Variants in MARCHF1 observed in about 807,000 individuals in gnomAD.
The protein encoded by MARCHF1 is membrane associated ring-CH-type finger 1.
In MARCHF1, 40 loss-of-function variants were observed where a neutral mutation model predicts 54.2. That is an observed-to-expected ratio of 0.74 (90% CI 0.57 to 0.96). The LOEUF (loss-of-function observed/expected upper bound fraction) is 0.96. Ranked by LOEUF, MARCHF1 falls within the 40% of genes least tolerant of loss-of-function variation. The pLI is 0.00. For missense variants in MARCHF1, 586 were observed against 656.5 expected (o/e 0.89, Z 1.17); for synonymous variants, 236 against 236.3 (o/e 1.00, Z 0.01).
chr4:164,183,121 C>T (rs1259603624), intron 1 of MARCHF1, among the ~76,000 whole-genome samples: 1 of 151,948 alleles, frequency 6.6e-6, no homozygotes. Context: ...ATTGTTTGAT[C>T]ACTAAATTTT....
chr4:163,831,370 G>T (rs1377319940), intron 4 of MARCHF1, among the ~76,000 whole-genome samples: 1 of 152,072 alleles, frequency 6.6e-6, no homozygotes, highest in East Asian at 1.9e-4. Flanking sequence ...GGTAACTCGA[G>T]GCCAGGACTT....
chr4:163,630,897 G>C (rs762877172), intron 5 of MARCHF1, among the ~76,000 whole-genome samples: 17 of 152,078 alleles, frequency 1.1e-4, no homozygotes, highest in Admixed American at 3.3e-4. Context: ...AAGGAAAAAG[G>C]AAAAGAAGGA....
At chr4:164,173,618 T>C (rs1027440927) in intron 1 of MARCHF1, among the ~76,000 whole-genome samples, 2 of 152,164 alleles carry the variant, frequency 1.3e-5, no homozygotes, top group Non-Finnish European at 2.9e-5. Context: ...CACAGTAATG[T>C]ATGAGTTCTT....
intron 4 of MARCHF1, among the ~76,000 whole-genome samples, chr4:163,785,615 G>C (rs1037735520): frequency 6.6e-6 from 1 of 151,730 alleles, no homozygotes; most frequent in African/African-American, 2.4e-5. Flanking sequence ...TATTAATTGA[G>C]GAATAAAAGT....
chr4:163,548,433 AAAGT>A (rs1446927805), intron 8 of MARCHF1, among the ~76,000 whole-genome samples: 3 of 152,226 alleles, frequency 2.0e-5, no homozygotes, highest in Non-Finnish European at 2.9e-5. Context: ...ACACTATTAA[AAAGT>A]AAGGCTCCTC....
intron 3 of MARCHF1, among the ~76,000 whole-genome samples, chr4:163,979,591 C>G (rs1400859633): frequency 6.6e-6 from 1 of 150,972 alleles, no homozygotes; most frequent in Non-Finnish European, 1.5e-5. Context: ...CCTGAGGAAT[C>G]GCCACACTGA....
chr4:164,120,156 C>T (rs1456340500), intron 1 of MARCHF1, among the ~76,000 whole-genome samples: 1 of 151,882 alleles, frequency 6.6e-6, no homozygotes, highest in Non-Finnish European at 1.5e-5. Flanking sequence ...ATATTCTATG[C>T]CAATGGAAAC....
rs1730695933 is a variant in MARCHF1, at chr4:164,176,972, CTCTCTCTCTATATAT to C, written c.-322-65325_-322-65311del. On this transcript the variant is annotated intron_variant, in intron 1 of 9. Coordinates refer to ENST00000514618, the MANE Select transcript of MARCHF1 (RefSeq NM_001394959.1). ...TCTCTCTCTCTCTCTCTCTCTCTCT[CTCTCTCTCTATATAT>C]ATATATATATATATATATATATACA... 5.3e-3 allele frequency among the ~76,000 whole-genome samples: 302 copies of C among 56,818 alleles called. 19 individuals are homozygous for C. Among genetic ancestry groups the C allele is most frequent in the African/African-American group, 0.023 (268 of 11,886 alleles). The allele number at this position is 56,818 out of a possible 152,430, so 37.3% of individuals were successfully genotyped here.
chr4:164,344,089 T>C (rs947104550), intron 1 of MARCHF1, among the ~76,000 whole-genome samples: 7 of 152,258 alleles, frequency 4.6e-5, no homozygotes, highest in Non-Finnish European at 8.8e-5. Flanking sequence ...TGGATGGTGC[T>C]GGAGGCCACA....
intron 3 of MARCHF1, among the ~76,000 whole-genome samples, chr4:163,983,146 T>C (rs1752795481): frequency 6.6e-6 from 1 of 152,116 alleles, no homozygotes; most frequent in African/African-American, 2.4e-5. Flanking sequence ...AAATATGCAT[T>C]TGAAGACAAA....
At chr4:164,060,484 C>T (rs1560885396) in intron 2 of MARCHF1, among the ~76,000 whole-genome samples, 1 of 152,016 alleles carries the variant, frequency 6.6e-6, no homozygotes. Flanking sequence ...GATAGTATTT[C>T]TTGTTTTATT....
chr4:163,760,586 G>C (rs916847718), intron 4 of MARCHF1, among the ~76,000 whole-genome samples: 16 of 152,092 alleles, frequency 1.1e-4, no homozygotes, highest in Admixed American at 8.5e-4. Flanking sequence ...ACATTTTCTA[G>C]TCATACAACA....
At chr4:163,905,156 A>G (rs1049625277) in intron 3 of MARCHF1, among the ~76,000 whole-genome samples, 8 of 152,246 alleles carry the variant, frequency 5.3e-5, no homozygotes, top group Non-Finnish European at 1.0e-4. Flanking sequence ...AGGTGTTTCT[A>G]ACACTACAGA....
chr4:164,258,627 A>G (rs72989532), intron 1 of MARCHF1, among the ~76,000 whole-genome samples: 5,566 of 152,186 alleles, frequency 0.037, 240 homozygotes, highest in African/African-American at 0.1. Flanking sequence ...ACAATATCAA[A>G]TAAATGTACT....
At chr4:163,845,177 C>A (rs1298621234) in intron 4 of MARCHF1, among the ~76,000 whole-genome samples, 1 of 151,916 alleles carries the variant, frequency 6.6e-6, no homozygotes, top group African/African-American at 2.4e-5. Context: ...AATTATTGTG[C>A]CTTGATATAT....
intron 3 of MARCHF1, among the ~76,000 whole-genome samples, chr4:163,892,592 AAAAT>A (rs1334622769): frequency 1.3e-5 from 2 of 150,236 alleles, no homozygotes; most frequent in African/African-American, 4.9e-5. Flanking sequence ...AGTATAATAA[AAAAT>A]AAAAATAAAA....
Position 164,279,656 on chromosome 4 carries a change from CAATT to C in MARCHF1, c.-323+104210_-323+104213del, listed in dbSNP as rs372117234. ...TCACTCTGTATCCCACGAATATGTA[CAATT>C]ATTTGTCAAATGTAAAAATTTCATA... On this transcript the variant is annotated intron_variant, in intron 1 of 9. Coordinates refer to ENST00000514618, the MANE Select transcript of MARCHF1 (RefSeq NM_001394959.1). Among the ~76,000 whole-genome samples, 133 of 151,482 alleles carry C rather than the reference CAATT, an allele frequency of 8.8e-4. 1 individual carries two copies. In the East Asian group the frequency reaches 0.017, roughly 19 times the overall value.
At chr4:164,318,598 T>C (rs1735060609) in intron 1 of MARCHF1, among the ~76,000 whole-genome samples, 2 of 152,214 alleles carry the variant, frequency 1.3e-5, no homozygotes, top group Non-Finnish European at 2.9e-5. Context: ...TTGAGTTTCA[T>C]ACAATGAAAA....
intron 1 of MARCHF1, among the ~76,000 whole-genome samples, chr4:164,324,984 C>G (rs1253338780): frequency 6.6e-6 from 1 of 151,104 alleles, no homozygotes; most frequent in African/African-American, 2.4e-5. Context: ...CCAAGAATAA[C>G]CAAGAATAGC....
Sources: gnomAD v4.1 joint callset for allele counts (sites outside exome capture counted in the v4.1 genomes callset) on GRCh38, gnomAD v4.1.1 for gene constraint, MANE v1.5 for transcripts, NCBI Gene and HGNC (gene_info 2026-07-23, HGNC 2026-07-21) for gene names.